Variants in BORCS5 observed in about 807,000 individuals in gnomAD.
BORCS5 encodes BLOC-1-related complex subunit 5.
A neutral mutation model predicts 22.1 loss-of-function variants in BORCS5; 17 were observed. The observed-to-expected ratio is 0.77, with a 90% CI of 0.53 to 1.15. The LOEUF is 1.15. Among genes scored for constraint, BORCS5 ranks in the 50% most tolerant of loss-of-function variants. The probability of loss-of-function intolerance (pLI) is 0.00; values close to 1 mark genes in which losing one functional copy is unlikely to be tolerated. For missense variants in BORCS5, 247 were observed against 253.2 expected, an observed-to-expected ratio of 0.98 and a Z score of 0.17; for synonymous variants, 117 against 99.8, an observed-to-expected ratio of 1.17 and a Z score of -1.03.
In BORCS5 at chr12:12,357,369, T is replaced by TCCCTGGC; in HGVS notation, c.-77_-71dup. ...ACTCTGCTTTGCCTCCCCGTCCCGG[T>TCCCTGGC]CCCTGGCCCCTGCCCTGTCGCCCGC... On this transcript the variant is annotated 5_prime_UTR_variant, in exon 1 of 4. Coordinates refer to ENST00000314565, the MANE Select transcript of BORCS5 (RefSeq NM_058169.6). The TCCCTGGC allele has an allele frequency of 6.5e-7, 1 of 1,543,034 alleles. No homozygotes were observed. Among genetic ancestry groups the TCCCTGGC allele is most frequent in the Non-Finnish European group, 8.8e-7 (1 of 1,139,862 alleles).
At chr12:12,459,322 T>A (rs987592352) in intron 3 of BORCS5, among the ~76,000 whole-genome samples, 8 of 152,180 alleles carry the variant, frequency 5.3e-5, no homozygotes, top group African/African-American at 1.7e-4. Flanking sequence ...ATTTTTTTTT[T>A]TTTTAAAGAC....
rs1863164938 is a variant in BORCS5 at position 12,357,382 on chromosome 12, C to T, written c.-70C>T. The T allele has an allele frequency of 1.9e-6, 3 of 1,568,154 alleles. No homozygotes were observed. On this transcript the variant is annotated 5_prime_UTR_variant, in exon 1 of 4. Transcript: ENST00000314565. Reference sequence around the variant, plus strand: ...TCCCCGTCCCGGTCCCTGGCCCCTGCCCTGTCGCCCGCCGCCGGAGCGGTG... The same window carrying T: ...TCCCCGTCCCGGTCCCTGGCCCCTGTCCTGTCGCCCGCCGCCGGAGCGGTG...
intron 2 of BORCS5, among the ~76,000 whole-genome samples, chr12:12,384,527 A>C (rs1443226302): frequency 1.3e-5 from 2 of 149,852 alleles, no homozygotes; most frequent in Admixed American, 6.7e-5. Flanking sequence ...TTTTTTTGTT[A>C]AGAACTGGGC....
chr12:12,369,160 C>T (rs1440313594), intron 2 of BORCS5, among the ~76,000 whole-genome samples: 44 of 152,120 alleles, frequency 2.9e-4, no homozygotes, highest in Admixed American at 2.9e-3. Context: ...ATTGATCCTT[C>T]CGTCTTTATG....
Position 12,467,548 on chromosome 12 carries a change from G to C in BORCS5, c.*1772G>C, listed in dbSNP as rs143117563. Reference sequence around the variant, plus strand: ...AAAACATGGGGTTCACTTAGACTGGGGTCCTGAGTAGGTGATAGGCTACTT... The same window carrying C: ...AAAACATGGGGTTCACTTAGACTGGCGTCCTGAGTAGGTGATAGGCTACTT... On this transcript the variant is annotated 3_prime_UTR_variant, in exon 4 of 4. Transcript: ENST00000314565. 9.8e-5 allele frequency: 15 copies of C among 152,332 alleles called. No individual in the cohort carries two copies. The highest frequency in any genetic ancestry group is 1.9e-4 in the Non-Finnish European group (13 of 68,036). The allele number at this position is 152,332 out of a possible 1,614,324, so 9.4% of individuals were successfully genotyped here.
intron 2 of BORCS5, among the ~76,000 whole-genome samples, chr12:12,385,894 A>G (rs2085221736): frequency 6.6e-6 from 1 of 151,420 alleles, no homozygotes; most frequent in Admixed American, 6.6e-5. Context: ...GGTTTGAATT[A>G]TGTTTGAATG....
intron 2 of BORCS5, among the ~76,000 whole-genome samples, chr12:12,412,900 C>CTTTTTGTTTTTT (rs1941775517): frequency 1.3e-5 from 1 of 74,174 alleles, no homozygotes; most frequent in Non-Finnish European, 2.5e-5. Flanking sequence ...TTGTGGTTTT[C>CTTTTTGTTTTTT]TTTTTTTTTT....
chr12:12,408,570 C>G (rs1041157465), intron 2 of BORCS5, among the ~76,000 whole-genome samples: 38 of 152,302 alleles, frequency 2.5e-4, no homozygotes, highest in African/African-American at 9.1e-4. Flanking sequence ...TCTCTTCCTC[C>G]CAGCCCTGGT....
At chr12:12,394,390 T>C (rs1014212169) in intron 2 of BORCS5, among the ~76,000 whole-genome samples, 8 of 152,136 alleles carry the variant, frequency 5.3e-5, no homozygotes, top group Admixed American at 2.0e-4. Context: ...CTTCCTGTTA[T>C]TAAAATACAC....
intron 1 of BORCS5, among the ~76,000 whole-genome samples, chr12:12,359,811 C>T (rs1863237094): frequency 6.6e-6 from 1 of 152,018 alleles, no homozygotes; most frequent in African/African-American, 2.4e-5. Context: ...CTTTGCAACT[C>T]CAGTGTCGCA....
At chr12:12,409,770 G>T (rs1255052122) in intron 2 of BORCS5, among the ~76,000 whole-genome samples, 3 of 151,332 alleles carry the variant, frequency 2.0e-5, no homozygotes, top group Admixed American at 6.6e-5. Context: ...GGGTCAAATG[G>T]TATTTCTAGT....
intron 2 of BORCS5, among the ~76,000 whole-genome samples, chr12:12,375,989 G>A (rs1863641584): frequency 6.6e-6 from 1 of 151,990 alleles, no homozygotes; most frequent in South Asian, 2.1e-4. Flanking sequence ...ATTTTTAGTG[G>A]AGATGGGGTT....
chr12:12,367,828 C>T (rs889189783), intron 2 of BORCS5, among the ~76,000 whole-genome samples: 1 of 152,228 alleles, frequency 6.6e-6, no homozygotes, highest in African/African-American at 2.4e-5. Flanking sequence ...TCACTCTTTC[C>T]ATTTGCTGGG....
At chr12:12,397,211 C>T (rs1251034575) in intron 2 of BORCS5, among the ~76,000 whole-genome samples, 2 of 152,140 alleles carry the variant, frequency 1.3e-5, no homozygotes, top group Non-Finnish European at 2.9e-5. Flanking sequence ...ACCTAGACTC[C>T]CAAGCTTTGA....
chr12:12,409,818 A>G (rs552958063), intron 2 of BORCS5, among the ~76,000 whole-genome samples: 4,396 of 151,632 alleles, frequency 0.029, 103 homozygotes, highest in African/African-American at 0.064. Context: ...GACTTCCACA[A>G]TGGTTGAACT....
At chr12:12,450,722 G>C (rs1222891546) in intron 3 of BORCS5, among the ~76,000 whole-genome samples, 2 of 152,178 alleles carry the variant, frequency 1.3e-5, no homozygotes, top group Non-Finnish European at 2.9e-5. Flanking sequence ...GCATGGGTTT[G>C]AATTCTGGCT....
At chr12:12,417,742 GCCT>G (rs1454758740) in intron 2 of BORCS5, among the ~76,000 whole-genome samples, 3 of 152,024 alleles carry the variant, frequency 2.0e-5, no homozygotes, top group Non-Finnish European at 4.4e-5. Context: ...TGCAACCTCT[GCCT>G]CCTCATTGAT....
At chr12:12,407,347 T>G (rs1941616224) in intron 2 of BORCS5, among the ~76,000 whole-genome samples, 1 of 152,144 alleles carries the variant, frequency 6.6e-6, no homozygotes, top group South Asian at 2.1e-4. Context: ...TTCTTTCCTT[T>G]GTTTATCCTT....
chr12:12,410,922 C>G (rs1212476243), intron 2 of BORCS5, among the ~76,000 whole-genome samples: 1 of 80,628 alleles, frequency 1.2e-5, no homozygotes, highest in Non-Finnish European at 3.3e-5. Context: ...GTTTGTACTT[C>G]TCCTTGAAGA....
Sources: gnomAD v4.1 joint callset for allele counts (sites outside exome capture counted in the v4.1 genomes callset) on GRCh38, gnomAD v4.1.1 for gene constraint, MANE v1.5 for transcripts, NCBI Gene and HGNC (gene_info 2026-07-23, HGNC 2026-07-21) for gene names.